Variants in QTMAN observed in about 807,000 individuals in gnomAD.
QTMAN encodes tRNA-queuosine alpha-mannosyltransferase.
the QTMAN span, among the ~76,000 whole-genome samples, chr2:144,120,320 C>T: frequency 1.3e-5 from 2 of 152,174 alleles, no homozygotes; most frequent in Admixed American, 6.5e-5. Flanking sequence ...ATCTGTAGTG[C>T]CTCACTCAAG....
At chr2:144,043,132 CAT>C in the QTMAN span, among the ~76,000 whole-genome samples, 1 of 152,074 alleles carries the variant, frequency 6.6e-6, no homozygotes, top group African/African-American at 2.4e-5. Context: ...ATCTGAACAC[CAT>C]AGTCATTCAT....
At chr2:144,056,023 G>A in the QTMAN span, among the ~76,000 whole-genome samples, 1 of 152,112 alleles carries the variant, frequency 6.6e-6, no homozygotes, top group African/African-American at 2.4e-5. Context: ...TGCTTCGGAT[G>A]GTTATTTTGA....
At chr2:143,994,135 T>C in the QTMAN span, among the ~76,000 whole-genome samples, 2 of 152,190 alleles carry the variant, frequency 1.3e-5, no homozygotes, top group Admixed American at 1.3e-4. Context: ...ATGCCCTATA[T>C]CAGGTTTATG....
At chr2:144,197,246 C>T in the QTMAN span, among the ~76,000 whole-genome samples, 2 of 151,896 alleles carry the variant, frequency 1.3e-5, no homozygotes, top group African/African-American at 4.8e-5. Flanking sequence ...CACCATTGCA[C>T]ATGCAATCTA....
At chr2:144,169,190 A>G in the QTMAN span, among the ~76,000 whole-genome samples, 2 of 152,110 alleles carry the variant, frequency 1.3e-5, no homozygotes, top group Non-Finnish European at 2.9e-5. Context: ...CACACCCAAG[A>G]CCATTTAATG....
At chr2:144,008,535 G>T in the QTMAN span, among the ~76,000 whole-genome samples, 1 of 152,048 alleles carries the variant, frequency 6.6e-6, no homozygotes, top group Non-Finnish European at 1.5e-5. Flanking sequence ...TGGATGTAAG[G>T]TCTAGAGGGG....
At chr2:144,004,666 TA>T in the QTMAN span, among the ~76,000 whole-genome samples, 73 of 152,136 alleles carry the variant, frequency 4.8e-4, no homozygotes, top group African/African-American at 1.6e-3. Context: ...CTGTAGCTAG[TA>T]AATGTCTGCC....
the QTMAN span, among the ~76,000 whole-genome samples, chr2:144,102,095 A>C: frequency 6.6e-6 from 1 of 152,248 alleles, no homozygotes; most frequent in Admixed American, 6.5e-5. Context: ...ACAACTGAGT[A>C]ACTGGCTCAA....
the QTMAN span, among the ~76,000 whole-genome samples, chr2:144,274,512 T>C: frequency 5.9e-5 from 9 of 152,072 alleles, no homozygotes; most frequent in African/African-American, 1.9e-4. Flanking sequence ...GTTGATTGAG[T>C]TGATCACCAA....
chr2:144,201,159 A>G, the QTMAN span, among the ~76,000 whole-genome samples: 2 of 152,194 alleles, frequency 1.3e-5, no homozygotes, highest in Non-Finnish European at 2.9e-5. Context: ...GAGGCAGAAA[A>G]AGAGTGCTAA....
chr2:144,201,642 T>C, the QTMAN span, among the ~76,000 whole-genome samples: 3 of 152,202 alleles, frequency 2.0e-5, no homozygotes, highest in African/African-American at 7.2e-5. Flanking sequence ...TTTGTCAAGT[T>C]TGGCTTTGTA....
At chr2:144,087,783 T>A in the QTMAN span, among the ~76,000 whole-genome samples, 1 of 152,034 alleles carries the variant, frequency 6.6e-6, no homozygotes, top group Non-Finnish European at 1.5e-5. Flanking sequence ...AATCTAGGCA[T>A]AGAAGGGACA....
At chr2:143,943,728 T>C in the QTMAN span, 1 of 152,240 alleles carries the variant, frequency 6.6e-6, no homozygotes, top group African/African-American at 2.4e-5. Flanking sequence ...GCCTGCCATA[T>C]TGATGTCTGA....
chr2:144,024,687 T>C, the QTMAN span, among the ~76,000 whole-genome samples: 6,340 of 152,298 alleles, frequency 0.042, 235 homozygotes, highest in East Asian at 0.18. Flanking sequence ...AGACCTGCTA[T>C]GCAGTATTAT....
the QTMAN span, among the ~76,000 whole-genome samples, chr2:144,324,680 G>A: frequency 6.6e-6 from 1 of 152,036 alleles, no homozygotes; most frequent in African/African-American, 2.4e-5. Flanking sequence ...ACCTACCCAA[G>A]GTAATCAAGA....
the QTMAN span, among the ~76,000 whole-genome samples, chr2:143,959,085 A>T: frequency 6.6e-6 from 1 of 152,044 alleles, no homozygotes; most frequent in Non-Finnish European, 1.5e-5. Context: ...GCAATTATCG[A>T]ACACCAACTA....
chr2:144,269,924 CATT>C, the QTMAN span, among the ~76,000 whole-genome samples: 4,177 of 151,906 alleles, frequency 0.027, 87 homozygotes, highest in Non-Finnish European at 0.041. Flanking sequence ...ATTTGTAACG[CATT>C]ATAATACTAA....
At chr2:144,240,380 A>G in the QTMAN span, among the ~76,000 whole-genome samples, 35 of 152,314 alleles carry the variant, frequency 2.3e-4, no homozygotes, top group Middle Eastern at 3.4e-3. Context: ...TGAATCCTAT[A>G]AAGAAAAAAT....
At chr2:144,049,994 TTC>T in the QTMAN span, among the ~76,000 whole-genome samples, 1 of 152,180 alleles carries the variant, frequency 6.6e-6, no homozygotes, top group Non-Finnish European at 1.5e-5. Flanking sequence ...TAAAACAAAT[TTC>T]TGTCTTCCGG....
Sources: allele counts gnomAD v4.1 joint callset (sites outside exome capture counted in the v4.1 genomes callset), GRCh38; gene constraint gnomAD v4.1.1; transcripts MANE v1.5; gene names NCBI Gene and HGNC (gene_info 2026-07-23, HGNC 2026-07-21).